PDS5A: variants seen among roughly 807,000 people sequenced by gnomAD.
The protein encoded by PDS5A is sister chromatid cohesion protein PDS5 homolog A.
A neutral mutation model predicts 167.1 loss-of-function variants in PDS5A; 42 were observed. The ratio of observed to expected loss-of-function variants is 0.25; its 90% CI spans 0.20 to 0.33. The LOEUF (loss-of-function observed/expected upper bound fraction) is 0.33, where lower values mean the gene tolerates loss of function less well. PDS5A is among the 10% of genes least tolerant of loss of function. The pLI is 1.00. For missense variants in PDS5A, 1,033 were observed against 1,605.9 expected, an observed-to-expected ratio of 0.64 and a Z score of 6.10; for synonymous variants, 553 against 554.6, an observed-to-expected ratio of 1.00 and a Z score of 0.04.
chr4:39,974,208 C>T, intron 2 of PDS5A: 3 of 572,588 alleles, frequency 5.2e-6, no homozygotes, highest in Non-Finnish European at 1.0e-5. Context: ...GCTCAGGGTG[C>T]CAGACCTCAT....
At chr4:39,924,832 C>A (rs1467436711) in intron 5 of PDS5A, among the ~76,000 whole-genome samples, 4 of 152,216 alleles carry the variant, frequency 2.6e-5, no homozygotes, top group African/African-American at 9.6e-5. Flanking sequence ...ACAAACCAGG[C>A]TGGGTGTGGT....
intron 2 of PDS5A, among the ~76,000 whole-genome samples, chr4:39,962,391 C>T (rs958223360): frequency 1.3e-5 from 2 of 152,074 alleles, no homozygotes; most frequent in Admixed American, 6.6e-5. Flanking sequence ...AGAGTTCTTA[C>T]CCCACTGAAC....
chr4:39,887,840 C>T (rs1250776561), intron 17 of PDS5A, among the ~76,000 whole-genome samples: 1 of 151,948 alleles, frequency 6.6e-6, no homozygotes, highest in Non-Finnish European at 1.5e-5. Flanking sequence ...GGATTAATAA[C>T]CAGAACATGT....
At chr4:39,864,689 G>T (rs1719277459) in intron 23 of PDS5A, among the ~76,000 whole-genome samples, 1 of 152,156 alleles carries the variant, frequency 6.6e-6, no homozygotes, top group South Asian at 2.1e-4. Flanking sequence ...AGCCTCAAAT[G>T]GTTTCTATGG....
intron 16 of PDS5A, among the ~76,000 whole-genome samples, chr4:39,894,202 G>A (rs13112060): frequency 0.22 from 33,665 of 152,078 alleles, 4,696 homozygotes; most frequent in Middle Eastern, 0.33. Context: ...GAGTCCAAGA[G>A]TTCAAGACCA....
chr4:39,867,431 G>A (rs1392729498), intron 22 of PDS5A, among the ~76,000 whole-genome samples: 1 of 151,542 alleles, frequency 6.6e-6, no homozygotes, highest in Non-Finnish European at 1.5e-5. Flanking sequence ...GGTGACTCAC[G>A]CCTGTAATCC....
At chr4:39,893,877 A>G (rs1332413717) in intron 16 of PDS5A, among the ~76,000 whole-genome samples, 1 of 152,204 alleles carries the variant, frequency 6.6e-6, no homozygotes, top group Non-Finnish European at 1.5e-5. Context: ...ATTCATTTCT[A>G]CCTCACTGGT....
intron 18 of PDS5A, 130 bp from the exon 19 acceptor site, chr4:39,877,283 C>T: frequency 2.0e-6 from 1 of 510,908 alleles, no homozygotes; most frequent in Non-Finnish European, 3.3e-6. Flanking sequence ...AATAGAGATA[C>T]ATCTCCTAGC....
rs182513173 is a variant in PDS5A at position 39,898,145 on chromosome 4, A to G, written c.1770+244T>C. Reference sequence around the variant, plus strand: ...AATGAATGTCTACTAAGTTCAAAGTACTTTATCTTGTAAAATTCCTAAGAC... The same window carrying G: ...AATGAATGTCTACTAAGTTCAAAGTGCTTTATCTTGTAAAATTCCTAAGAC... On this transcript the variant is annotated intron_variant, in intron 16 of 32. Transcript: ENST00000303538. The G allele has an allele frequency of 2.4e-4, 286 of 1,213,648 alleles. 1 individual carries two copies. The East Asian group carries it at 7.9e-3, about 34-fold the overall frequency. The allele number at this position is 1,213,648 out of a possible 1,614,324, so 75.2% of individuals were successfully genotyped here. A position where few individuals can be genotyped will look rare whatever the true frequency, so the allele number is the denominator to read the frequency against.
chr4:39,906,391 G>GT (rs1313066235), intron 11 of PDS5A, among the ~76,000 whole-genome samples: 1 of 151,794 alleles, frequency 6.6e-6, no homozygotes, highest in Non-Finnish European at 1.5e-5. Flanking sequence ...AAACCTTAGT[G>GT]ATCACCGTAA....
chr4:39,896,021 G>GC (rs1456668637), intron 16 of PDS5A, among the ~76,000 whole-genome samples: 118 of 135,936 alleles, frequency 8.7e-4, no homozygotes, highest in East Asian at 3.8e-3. Context: ...ACCACACCTG[G>GC]CCCGGTTTTT....
intron 17 of PDS5A, 73 bp downstream of exon 17, chr4:39,890,176 C>T: frequency 2.5e-6 from 2 of 812,304 alleles, no homozygotes. Context: ...CTTTAGGAGC[C>T]CAGAATTTAA....
chr4:39,901,972 C>A (rs1043896420), intron 13 of PDS5A, among the ~76,000 whole-genome samples: 6 of 152,168 alleles, frequency 3.9e-5, no homozygotes, highest in Non-Finnish European at 5.9e-5. Context: ...GACCATTAAT[C>A]ATATGGCCAT....
chr4:39,926,621 AAAAT>A (rs1445457024), intron 4 of PDS5A, among the ~76,000 whole-genome samples, 150 bp downstream of exon 4: 1 of 152,090 alleles, frequency 6.6e-6, no homozygotes. Flanking sequence ...GATAGGAAGA[AAAAT>A]AAAATAATAT....
intron 21 of PDS5A, among the ~76,000 whole-genome samples, chr4:39,872,594 T>A (rs13114978): frequency 0.22 from 33,126 of 151,972 alleles, 4,670 homozygotes; most frequent in Middle Eastern, 0.33. Context: ...AAGGTTGCAG[T>A]GAGCCGAGAT....
intron 16 of PDS5A, among the ~76,000 whole-genome samples, chr4:39,894,531 C>G (rs1005365977): frequency 6.6e-6 from 1 of 152,184 alleles, no homozygotes; most frequent in African/African-American, 2.4e-5. Context: ...CTCTTCTCTT[C>G]CCTAAATTGG....
intron 2 of PDS5A, among the ~76,000 whole-genome samples, chr4:39,950,176 C>T (rs995651789): frequency 6.6e-6 from 1 of 152,158 alleles, no homozygotes; most frequent in African/African-American, 2.4e-5. Context: ...GGCGGGATTA[C>T]AGGTGTGAGC....
intron 31 of PDS5A, among the ~76,000 whole-genome samples, chr4:39,839,964 C>G (rs372592342): frequency 3.2e-4 from 48 of 150,892 alleles, no homozygotes; most frequent in South Asian, 1.9e-3. Flanking sequence ...CATGGTGGTG[C>G]GTGCCTGTAA....
At position 39,934,773 on chromosome 4, in the gene PDS5A, TATAA is replaced by T. The variant is rs371482645; in HGVS notation, c.139-6613_139-6610del. 4.4e-3 allele frequency among the ~76,000 whole-genome samples: 674 copies of T among 152,100 alleles called. 6 individuals are homozygous for T. Among genetic ancestry groups the T allele is most frequent in the African/African-American group, 0.016 (649 of 41,518 alleles). On this transcript the variant is annotated intron_variant, in intron 2 of 32. Coordinates refer to ENST00000303538, the MANE Select transcript of PDS5A (RefSeq NM_001100399.2). ...GAATATTTACCACATTCCAGCACTC[TATAA>T]ATATTTTTTTGAGACAAATTAACTC...
Sources: gnomAD v4.1 joint callset for allele counts (sites outside exome capture counted in the v4.1 genomes callset) on GRCh38, gnomAD v4.1.1 for gene constraint, MANE v1.5 for transcripts, NCBI Gene and HGNC (gene_info 2026-07-23, HGNC 2026-07-21) for gene names.